The following MTMR12 variants were observed in gnomAD, a reference collection of about 807,000 sequenced individuals.
MTMR12 encodes myotubularin related protein 12.
MTMR12 carries 33 observed loss-of-function variants against 96.7 expected under a neutral mutation model. That is an observed-to-expected ratio of 0.34 (90% CI 0.26 to 0.46). The LOEUF is 0.46. Among genes scored for constraint, MTMR12 ranks in the 20% least tolerant of loss-of-function variants. MTMR12 has a pLI of 1.00. For synonymous variants in MTMR12, 298 were observed against 327.2 expected, an observed-to-expected ratio of 0.91 and a Z score of 0.96; for missense variants, 721 against 896.1, an observed-to-expected ratio of 0.80 and a Z score of 2.49.
At chr5:32,279,288 T>C (rs1349325556) in intron 1 of MTMR12, among the ~76,000 whole-genome samples, 1 of 151,598 alleles carries the variant, frequency 6.6e-6, no homozygotes, top group Admixed American at 6.6e-5. Flanking sequence ...GGTATGGTAG[T>C]ACACACCTGA....
At chr5:32,270,706 G>T in intron 5 of MTMR12, 111 bp downstream of exon 5, 1 of 1,230,680 alleles carries the variant, frequency 8.1e-7, no homozygotes. Flanking sequence ...CCAATTTCAA[G>T]TTCACAGAGT....
chr5:32,258,244 A>T (rs1749218671), intron 7 of MTMR12, among the ~76,000 whole-genome samples: 1 of 152,248 alleles, frequency 6.6e-6, no homozygotes, highest in South Asian at 2.1e-4. Context: ...ACTTCAAACC[A>T]TCAAAACTGT....
chr5:32,264,108 C>T (rs1415184930), intron 6 of MTMR12, among the ~76,000 whole-genome samples: 4 of 152,148 alleles, frequency 2.6e-5, no homozygotes, highest in African/African-American at 9.7e-5. Context: ...GTTATGGGTA[C>T]ATACTTCTAT....
intron 14 of MTMR12, 34 bp downstream of exon 14, chr5:32,234,928 C>G (rs778616331): frequency 8.9e-6 from 14 of 1,568,116 alleles, no homozygotes; most frequent in Non-Finnish European, 1.0e-5. Flanking sequence ...GAAGAAGCCT[C>G]TTTAATACAC....
intron 1 of MTMR12, chr5:32,309,881 A>G (rs1751509631): frequency 6.6e-6 from 1 of 152,240 alleles, no homozygotes; most frequent in South Asian, 2.1e-4. Context: ...GGATGTGGAG[A>G]GAAGGGAACC....
At chr5:32,232,880 C>T in intron 15 of MTMR12, 2 of 852,318 alleles carry the variant, frequency 2.3e-6, no homozygotes, top group Non-Finnish European at 2.8e-6. Context: ...CCAGAAAGGG[C>T]CAGGCTTTCT....
rs1477252435 is a variant in MTMR12 at position 32,263,196 on chromosome 5, G to C, written c.630C>G (p.Asp210Glu). ...NHTVMFDTLK[D>E]WCWELERTKG... ...TGGTCCGTTCCAGTTCCCAACACCA[G>C]TCCTTAAGTGTGTCAAACATTACGG... Residue 210 changes from aspartate (D) to glutamate (E), a missense_variant, in exon 7 of 16, where the codon GAC becomes GAG. Physicochemically the swap from Asp to Glu is conservative, Grantham distance 45 (BLOSUM62 2). Transcript: ENST00000382142. 1 of 1,614,004 alleles carries C rather than the reference G, an allele frequency of 6.2e-7. No homozygotes were observed. The highest frequency in any genetic ancestry group is 8.5e-7 in the Non-Finnish European group (1 of 1,180,008).
chr5:32,261,744 T>A (rs1378901168), intron 7 of MTMR12, among the ~76,000 whole-genome samples: 1 of 152,150 alleles, frequency 6.6e-6, no homozygotes, highest in African/African-American at 2.4e-5. Context: ...CAGTCAAAAA[T>A]TTTTGGTGAA....
At chr5:32,302,362 T>C (rs1751187079) in intron 1 of MTMR12, among the ~76,000 whole-genome samples, 2 of 152,206 alleles carry the variant, frequency 1.3e-5, no homozygotes, top group South Asian at 4.1e-4. Flanking sequence ...ATATCTTAAA[T>C]GAACCACTAA....
chr5:32,249,663 G>C (rs1366499641), intron 8 of MTMR12, among the ~76,000 whole-genome samples: 3 of 152,210 alleles, frequency 2.0e-5, no homozygotes, highest in Non-Finnish European at 4.4e-5. Flanking sequence ...TCACACGAGT[G>C]ACCAACAGTG....
At chr5:32,266,427 C>A (rs907696750) in intron 6 of MTMR12, among the ~76,000 whole-genome samples, 1 of 152,202 alleles carries the variant, frequency 6.6e-6, no homozygotes, top group African/African-American at 2.4e-5. Flanking sequence ...GTGGCTCATG[C>A]CTGTAATCCC....
intron 2 of MTMR12, among the ~76,000 whole-genome samples, chr5:32,274,864 C>A (rs534548200): frequency 2.0e-5 from 3 of 152,204 alleles, no homozygotes; most frequent in Admixed American, 6.5e-5. Context: ...TCCCTCCTTG[C>A]AGTCAAAAAG....
At chr5:32,279,387 T>C (rs1750193249) in intron 1 of MTMR12, among the ~76,000 whole-genome samples, 1 of 151,982 alleles carries the variant, frequency 6.6e-6, no homozygotes, top group Non-Finnish European at 1.5e-5. Flanking sequence ...ACCACTGCAT[T>C]CCAGCCTGAG....
At chr5:32,260,035 CCCAAAAAAAAA>C (rs1230569068) in intron 7 of MTMR12, among the ~76,000 whole-genome samples, 4 of 134,668 alleles carry the variant, frequency 3.0e-5, no homozygotes, top group East Asian at 2.1e-4. Flanking sequence ...GACTCAGTCT[CCCAAAAAAAAA>C]AAAAAAAAAA....
intron 7 of MTMR12, among the ~76,000 whole-genome samples, chr5:32,258,922 AAAGTC>A (rs914756577): frequency 6.6e-6 from 1 of 151,110 alleles, no homozygotes; most frequent in African/African-American, 2.5e-5. Context: ...AAAAAAAAAA[AAAGTC>A]AGAACCAAAT....
At chr5:32,300,528 C>T (rs1163447003) in intron 1 of MTMR12, among the ~76,000 whole-genome samples, 1 of 152,094 alleles carries the variant, frequency 6.6e-6, no homozygotes, top group African/African-American at 2.4e-5. Flanking sequence ...GACACAGAGA[C>T]AGCCACACCC....
chr5:32,260,836 C>T (rs1248206214), intron 7 of MTMR12, among the ~76,000 whole-genome samples: 1 of 151,610 alleles, frequency 6.6e-6, no homozygotes, highest in Non-Finnish European at 1.5e-5. Flanking sequence ...AAGAGCTCTA[C>T]AAAAATACAA....
At chr5:32,273,197 C>T (rs978532368) in intron 3 of MTMR12, among the ~76,000 whole-genome samples, 2 of 152,054 alleles carry the variant, frequency 1.3e-5, no homozygotes, top group African/African-American at 4.8e-5. Context: ...CTCAGAACTT[C>T]GAGACCAGCA....
chr5:32,297,344 C>T (rs1405921629), intron 1 of MTMR12, among the ~76,000 whole-genome samples: 3 of 152,138 alleles, frequency 2.0e-5, no homozygotes, highest in South Asian at 2.1e-4. Context: ...GTACCTCTAA[C>T]CCTAGGCAAC....
Sources: allele counts gnomAD v4.1 joint callset (sites outside exome capture counted in the v4.1 genomes callset), GRCh38; gene constraint gnomAD v4.1.1; transcripts MANE v1.5; gene names NCBI Gene and HGNC (gene_info 2026-07-23, HGNC 2026-07-21).